CDC42SE2: variants seen among roughly 807,000 people sequenced by gnomAD.
CDC42SE2 encodes the protein CDC42 small effector protein 2.
A neutral mutation model predicts 11.5 loss-of-function variants in CDC42SE2; 3 were observed. The observed-to-expected ratio is 0.26, with a 90% CI of 0.12 to 0.67. The LOEUF is 0.67. Ranked by LOEUF, CDC42SE2 falls within the 30% of genes least tolerant of loss-of-function variation. The probability of loss-of-function intolerance (pLI) is 0.80; values close to 1 mark genes in which losing one functional copy is unlikely to be tolerated. For missense variants in CDC42SE2, 82 were observed against 106.8 expected (o/e 0.77, Z 1.02); for synonymous variants, 33 against 34.8 (o/e 0.95, Z 0.18).
At chr5:131,320,230 G>GA (rs1210237673) in intron 2 of CDC42SE2, among the ~76,000 whole-genome samples, 30 of 141,446 alleles carry the variant, frequency 2.1e-4, no homozygotes, top group African/African-American at 3.7e-4. Flanking sequence ...ACTAAAAATA[G>GA]AAAAAAAAAA....
At chr5:131,286,219 A>G (rs1033957968) in intron 1 of CDC42SE2, among the ~76,000 whole-genome samples, 14 of 151,552 alleles carry the variant, frequency 9.2e-5, no homozygotes, top group African/African-American at 2.7e-4. Flanking sequence ...AGCTGGGACT[A>G]TAGGTGCTCA....
chr5:131,212,835 AG>A, the CDC42SE2 span, among the ~76,000 whole-genome samples: 1 of 152,204 alleles, frequency 6.6e-6, no homozygotes, highest in Non-Finnish European at 1.5e-5. Context: ...TGATCAAACA[AG>A]GGACAATTTA....
chr5:131,213,304 G>C, the CDC42SE2 span, among the ~76,000 whole-genome samples: 1 of 152,134 alleles, frequency 6.6e-6, no homozygotes, highest in Non-Finnish European at 1.5e-5. Context: ...TAGCTTTGAA[G>C]TTTTTCAAAA....
the CDC42SE2 span, among the ~76,000 whole-genome samples, chr5:131,227,990 C>T: frequency 6.6e-6 from 1 of 152,186 alleles, no homozygotes; most frequent in African/African-American, 2.4e-5. Context: ...GAGTTAGAGA[C>T]CAGCGTGGCC....
chr5:131,348,959 C>T (rs1171102910), intron 2 of CDC42SE2, among the ~76,000 whole-genome samples: 1 of 152,056 alleles, frequency 6.6e-6, no homozygotes, highest in African/African-American at 2.4e-5. Context: ...GAAACTGGAT[C>T]CCTTCCCTAC....
intron 2 of CDC42SE2, among the ~76,000 whole-genome samples, chr5:131,326,956 A>G (rs77301419): frequency 0.021 from 3,249 of 152,016 alleles, 63 homozygotes; most frequent in South Asian, 0.095. Context: ...TGTGGTTCAT[A>G]TTTGTTTGGT....
At chr5:131,289,672 CA>C (rs777148248) in intron 1 of CDC42SE2, among the ~76,000 whole-genome samples, 1,630 of 105,402 alleles carry the variant, frequency 0.015, 22 homozygotes, top group African/African-American at 0.045. Flanking sequence ...GACTCTGTCT[CA>C]AAAAAAAAAA....
At chr5:131,218,705 T>A in the CDC42SE2 span, among the ~76,000 whole-genome samples, 3 of 152,190 alleles carry the variant, frequency 2.0e-5, no homozygotes, top group Non-Finnish European at 4.4e-5. Context: ...ACAGGTAAAA[T>A]TGATATATAA....
At chr5:131,369,754 C>CTCTT (rs1437499551) in intron 3 of CDC42SE2, among the ~76,000 whole-genome samples, 1 of 152,138 alleles carries the variant, frequency 6.6e-6, no homozygotes, top group African/African-American at 2.4e-5. Context: ...AGTAGTAACC[C>CTCTT]CAGTTCCACA....
At chr5:131,278,733 C>CCA (rs1757162925) in intron 1 of CDC42SE2, among the ~76,000 whole-genome samples, 2 of 9,042 alleles carry the variant, frequency 2.2e-4, no homozygotes, top group Admixed American at 7.0e-4. Flanking sequence ...TCCCCCCTCC[C>CCA]CTCCCCTCCC....
At chr5:131,332,475 A>G (rs1004089688) in intron 2 of CDC42SE2, among the ~76,000 whole-genome samples, 3 of 152,134 alleles carry the variant, frequency 2.0e-5, no homozygotes, top group Non-Finnish European at 2.9e-5. Flanking sequence ...TCCTTTGGGT[A>G]TATACCCAGT....
intron 2 of CDC42SE2, among the ~76,000 whole-genome samples, chr5:131,351,160 G>A (rs1379628746): frequency 6.6e-6 from 1 of 151,964 alleles, no homozygotes; most frequent in Non-Finnish European, 1.5e-5. Context: ...CAGTTGCCCA[G>A]GCTGGTCTTG....
intron 4 of CDC42SE2, among the ~76,000 whole-genome samples, chr5:131,387,084 T>A (rs1361732155): frequency 6.6e-6 from 1 of 152,200 alleles, no homozygotes; most frequent in East Asian, 1.9e-4. Flanking sequence ...AGTCAGTAGT[T>A]TTGTTTCCTG....
At chr5:131,281,137 G>A (rs1192089829) in intron 1 of CDC42SE2, among the ~76,000 whole-genome samples, 1 of 152,156 alleles carries the variant, frequency 6.6e-6, no homozygotes, top group Non-Finnish European at 1.5e-5. Context: ...ATTACCTGGG[G>A]TAGAGTAGAC....
intron 1 of CDC42SE2, among the ~76,000 whole-genome samples, chr5:131,267,739 G>A (rs1335731121): frequency 6.6e-6 from 1 of 151,896 alleles, no homozygotes; most frequent in African/African-American, 2.4e-5. Context: ...TTATTTTCTG[G>A]GATAGGTTGC....
intron 2 of CDC42SE2, among the ~76,000 whole-genome samples, chr5:131,347,392 A>G (rs1313377483): frequency 1.3e-5 from 2 of 152,208 alleles, no homozygotes; most frequent in Non-Finnish European, 2.9e-5. Flanking sequence ...TAAACTAGAA[A>G]ATCTAGAAGA....
At chr5:131,324,684 A>AT (rs138529708) in intron 2 of CDC42SE2, among the ~76,000 whole-genome samples, 5,297 of 152,094 alleles carry the variant, frequency 0.035, 316 homozygotes, top group African/African-American at 0.12. Context: ...TTTTCCACAC[A>AT]TTTTTTTTAA....
chr5:131,269,468 AC>A (rs531617168), intron 1 of CDC42SE2, among the ~76,000 whole-genome samples: 69 of 152,268 alleles, frequency 4.5e-4, no homozygotes, highest in Admixed American at 1.0e-3. Context: ...TTTATCTTGT[AC>A]TAAAACATAA....
chr5:131,235,720 G>A, the CDC42SE2 span, among the ~76,000 whole-genome samples: 3 of 151,710 alleles, frequency 2.0e-5, no homozygotes, highest in South Asian at 2.1e-4. Flanking sequence ...TCAACCTCCC[G>A]AGTAGCTGGG....
Sources: allele counts gnomAD v4.1 joint callset (sites outside exome capture counted in the v4.1 genomes callset), GRCh38; gene constraint gnomAD v4.1.1; transcripts MANE v1.5; gene names NCBI Gene and HGNC (gene_info 2026-07-23, HGNC 2026-07-21).